WDR73: variants seen among roughly 807,000 people sequenced by gnomAD.
The protein encoded by WDR73 is WD repeat domain 73, also known as integrator complex assembly factor WDR73.
A neutral mutation model predicts 38.2 loss-of-function variants in WDR73; 30 were observed. The observed-to-expected ratio is 0.79, with a 90% CI of 0.59 to 1.06. The LOEUF (loss-of-function observed/expected upper bound fraction) is 1.06. Among genes scored for constraint, WDR73 ranks in the 50% least tolerant of loss-of-function variants. The pLI is 0.00. For missense variants in WDR73, 487 were observed against 467.0 expected (o/e 1.04, Z -0.40); for synonymous variants, 197 against 176.0 (o/e 1.12, Z -0.94).
rs1364967517 is a variant in WDR73, at chr15:84,643,417, C to G, written c.*53G>C. 15 of 1,536,608 alleles carry G rather than the reference C, an allele frequency of 9.8e-6. No individual in the cohort carries two copies. Among genetic ancestry groups the G allele is most frequent in the Non-Finnish European group, 1.3e-5 (15 of 1,139,444 alleles). On this transcript the variant is annotated 3_prime_UTR_variant, in exon 8 of 8. Coordinates refer to ENST00000434634, the MANE Select transcript of WDR73 (RefSeq NM_032856.5). ...CTTGAGTCCTACATGAGCACCCTTG[C>G]TACTACAGCAGCTCCTCCCCTTTCT...
chr15:84,643,855 G>C, intron 7 of WDR73, 132 bp from the exon 8 acceptor site: 1 of 1,098,962 alleles, frequency 9.1e-7, no homozygotes, highest in Non-Finnish European at 1.2e-6. Flanking sequence ...AGCCTCAAGC[G>C]ATCCTCCCAT....
chr15:84,653,598 T>C (rs1896691951), intron 2 of WDR73, 34 bp downstream of exon 2: 3 of 1,522,556 alleles, frequency 2.0e-6, no homozygotes, highest in Middle Eastern at 3.4e-4. Context: ...AGGAGTGAGA[T>C]TCCCTCTCCT....
At chr15:84,650,399 T>C (rs1459159968) in intron 3 of WDR73, among the ~76,000 whole-genome samples, 1 of 151,560 alleles carries the variant, frequency 6.6e-6, no homozygotes, top group Non-Finnish European at 1.5e-5. Flanking sequence ...TCTCACTCTG[T>C]CACCCAGGCT....
At position 84,642,156 on chromosome 15, in the gene WDR73, A is replaced by G. The variant is rs2141830801; in HGVS notation, c.*1314T>C. On this transcript the variant is annotated 3_prime_UTR_variant, in exon 8 of 8. Coordinates refer to ENST00000434634, the MANE Select transcript of WDR73 (RefSeq NM_032856.5). Reference sequence around the variant, plus strand: ...AGAGATCAAGACCATTCTGGCCAACATGGTGAAACTCCGTCTGTACCAAAA... The same window carrying G: ...AGAGATCAAGACCATTCTGGCCAACGTGGTGAAACTCCGTCTGTACCAAAA... 1.3e-5 allele frequency: 2 copies of G among 152,240 alleles called. No individual in the cohort carries two copies. The highest frequency in any genetic ancestry group is 4.8e-5 in the African/African-American group (2 of 41,550). 9.4% of individuals were successfully genotyped at this position (152,240 alleles called of 1,614,324 possible).
At chr15:84,652,858 G>A in intron 2 of WDR73, 56 bp from the exon 3 acceptor site, 11 of 1,068,378 alleles carry the variant, frequency 1.0e-5, no homozygotes, top group Non-Finnish European at 1.5e-5. Context: ...TGCAGACCAT[G>A]CAATCCCCCG....
chr15:84,648,853 C>G (rs1896541425), intron 3 of WDR73, among the ~76,000 whole-genome samples: 1 of 152,172 alleles, frequency 6.6e-6, no homozygotes, highest in African/African-American at 2.4e-5. Flanking sequence ...CTTTCACTAG[C>G]CCCTTTTACT....
rs748111217 is a variant in WDR73, at chr15:84,643,695, A to G, written c.912T>C (p.Asp304=). ...SGFDGTVQVY[D]ATSWDGTRSQ... ...TCCGTGTTCCATCCCAAGATGTGGC[A>G]TCATAGACCTGGACTGTACCATCAA... Residue 304 remains aspartate (D), a synonymous_variant, in exon 8 of 8, where the codon GAT becomes GAC. Transcript: ENST00000434634. 3.1e-6 allele frequency: 5 copies of G among 1,613,200 alleles called. No individual in the cohort carries two copies. In the African/African-American group the frequency reaches 5.3e-5, roughly 17 times the overall value.
chr15:84,649,513 A>G (rs1896561590), intron 3 of WDR73, among the ~76,000 whole-genome samples: 1 of 150,364 alleles, frequency 6.7e-6, no homozygotes, highest in African/African-American at 2.5e-5. Context: ...TCTGTAGCCC[A>G]GGCTGGAGGG....
At chr15:84,649,578 T>C (rs1896564210) in intron 3 of WDR73, among the ~76,000 whole-genome samples, 2 of 151,982 alleles carry the variant, frequency 1.3e-5, no homozygotes, top group Non-Finnish European at 2.9e-5. Context: ...TAAGCTATTC[T>C]CCTGCCTCAG....
At chr15:84,652,682 T>C (rs1896660589) in intron 3 of WDR73, 32 bp downstream of exon 3, 1 of 1,242,134 alleles carries the variant, frequency 8.1e-7, no homozygotes, top group Admixed American at 2.6e-5. Context: ...TAAATAAAAG[T>C]TGACATACTC....
At chr15:84,645,425 G>C (rs1567021713) in intron 7 of WDR73, 46 bp downstream of exon 7, 2 of 1,605,084 alleles carry the variant, frequency 1.2e-6, no homozygotes, top group Admixed American at 3.4e-5. Context: ...ACAGTCTCCT[G>C]GAAGAAAGAG....
At position 84,642,542 on chromosome 15, in the gene WDR73, C is replaced by A. The variant is rs1179545284; in HGVS notation, c.*928G>T. ...AATACAGTGGCATGATCACAGCTCACTGCAAACTTCAACTGCCAGGCTCAG... is the reference window on the plus strand; with the variant it reads ...AATACAGTGGCATGATCACAGCTCAATGCAAACTTCAACTGCCAGGCTCAG... On this transcript the variant is annotated 3_prime_UTR_variant, in exon 8 of 8. Coordinates refer to ENST00000434634, the MANE Select transcript of WDR73 (RefSeq NM_032856.5). The A allele has an allele frequency of 6.6e-6, 1 of 152,082 alleles. No homozygotes were observed. The highest frequency in any genetic ancestry group is 1.5e-5 in the Non-Finnish European group (1 of 68,100). 9.4% of individuals were successfully genotyped at this position (152,082 alleles called of 1,614,324 possible). A position where few individuals can be genotyped will look rare whatever the true frequency, so the allele number is the denominator to read the frequency against.
chr15:84,645,694 C>A lies in WDR73; in HGVS notation c.660G>T (p.Gly220=). Reference sequence around the variant, plus strand: ...CAGCACACCATCTCTCTCCACCAGACCCAGGGCCAGGGCTGCGATTCTCCA... The same window carrying A: ...CAGCACACCATCTCTCTCCACCAGAACCAGGGCCAGGGCTGCGATTCTCCA... ...APLENRSPGP[G]SGGERWCAEV... is the part of the protein sequence containing the mutation. The change falls in exon 7 of 8, where the codon GGG becomes GGT. Residue 220 remains glycine (G), a synonymous_variant. Transcript: ENST00000434634. 6.2e-7 allele frequency: 1 copy of A among 1,609,424 alleles called. No homozygotes were observed. Among genetic ancestry groups the A allele is most frequent in the Non-Finnish European group, 8.5e-7 (1 of 1,177,988 alleles).
chr15:84,645,418 G>C, intron 7 of WDR73, 53 bp downstream of exon 7: 1 of 1,602,650 alleles, frequency 6.2e-7, no homozygotes, highest in Non-Finnish European at 8.5e-7. Flanking sequence ...GCACCCAACA[G>C]TCTCCTGGAA....
chr15:84,650,124 C>T (rs1206658813), intron 3 of WDR73, among the ~76,000 whole-genome samples: 22 of 152,296 alleles, frequency 1.4e-4, no homozygotes, highest in Non-Finnish European at 7.3e-5. Flanking sequence ...GCCTCTTAGC[C>T]TCTTCTCTTC....
Position 84,646,271 on chromosome 15 carries a change from TGGA to T in WDR73, c.427_429del (p.Ser143del), listed in dbSNP as rs758997276. 3.7e-6 allele frequency: 6 copies of T among 1,613,970 alleles called. No homozygotes were observed. The Middle Eastern group carries it at 4.9e-4, about 133-fold the overall frequency. On this transcript the variant is annotated inframe_deletion, in exon 6 of 8. Transcript: ENST00000434634. Reference sequence around the variant, plus strand: ...CCATGGAGGACTCCGGGTGCCAATGTGGAGAAGACGGCCACCCTAGGCCAGAGA... The same window carrying T: ...CCATGGAGGACTCCGGGTGCCAATGTGAAGACGGCCACCCTAGGCCAGAGA...
intron 7 of WDR73, chr15:84,645,118 T>C: frequency 1.0e-6 from 1 of 971,774 alleles, no homozygotes; most frequent in Non-Finnish European, 1.3e-6. Flanking sequence ...GCCTGGCTAA[T>C]TTTTTGTATT....
intron 5 of WDR73, 74 bp from the exon 6 acceptor site, chr15:84,646,422 TC>T (rs1422862817): frequency 1.3e-6 from 2 of 1,529,844 alleles, no homozygotes; most frequent in African/African-American, 2.8e-5. Context: ...CCAGCTGTCT[TC>T]CCCTGTACAT....
chr15:84,647,783 C>G, intron 5 of WDR73, 107 bp downstream of exon 5: 1 of 1,124,970 alleles, frequency 8.9e-7, no homozygotes. Flanking sequence ...AGGCATGAGA[C>G]TGTCCCCAGC....
Sources: gnomAD v4.1 joint callset for allele counts (sites outside exome capture counted in the v4.1 genomes callset) on GRCh38, gnomAD v4.1.1 for gene constraint, MANE v1.5 for transcripts, NCBI Gene and HGNC (gene_info 2026-07-23, HGNC 2026-07-21) for gene names.